Variants in TCF20 observed in about 807,000 individuals in gnomAD.
TCF20 encodes the protein SPRE-binding protein.
TCF20 carries 3 observed loss-of-function variants against 148.6 expected under a neutral mutation model. The ratio of observed to expected loss-of-function variants is 0.02; its 90% confidence interval spans 0.01 to 0.05. The LOEUF (loss-of-function observed/expected upper bound fraction) is 0.05. Ranked by LOEUF, TCF20 falls within the 10% of genes least tolerant of loss-of-function variation. TCF20 has a pLI of 1.00. For missense variants in TCF20, 2,350 were observed against 2,429.3 expected, an observed-to-expected ratio of 0.97 and a Z score of 0.69; for synonymous variants, 1,049 against 909.5, an observed-to-expected ratio of 1.15 and a Z score of -2.76.
rs1202125189 is a variant in TCF20, at chr22:42,269,923, G to GC, written c.-37+415dup. ...TAGCCAAGAGGCGAGCGCGGCCGGT[G>GC]CCCCCGGGGCTGCCAGGGGCCCCGA... On this transcript the variant is annotated intron_variant, in intron 1 of 5. Transcript: ENST00000677622. 19 of 152,166 alleles carry GC rather than the reference G, an allele frequency of 1.2e-4. No homozygotes were observed. In the East Asian group the frequency reaches 3.7e-3, roughly 29 times the overall value. 9.4% of individuals were successfully genotyped at this position (152,166 alleles called of 1,614,324 possible). A position where few individuals can be genotyped will look rare whatever the true frequency, so the allele number is the denominator to read the frequency against.
Position 42,211,612 on chromosome 22 carries a change from G to C in TCF20, c.3694C>G (p.Pro1232Ala). 6.2e-7 allele frequency: 1 copy of C among 1,614,208 alleles called. No individual in the cohort carries two copies. The highest frequency in any genetic ancestry group is 1.1e-5 in the South Asian group (1 of 91,082). Residue 1232 changes from proline (P) to alanine (A), a missense_variant, in exon 2 of 6, where the codon CCT becomes GCT. Pro to Ala is a conservative substitution (Grantham distance 27). Around this residue, in one of 7 missense-constraint regions of TCF20, gnomAD observed 1,641 missense variants for 1,662.6 expected, o/e 0.99. Coordinates refer to ENST00000677622, the MANE Select transcript of TCF20 (RefSeq NM_001378418.1). ...GGAAGTCTCAGCATAACACTACCAG[G>C]TTTGGATGACTGTGTAGCCTCAGCT... Reference protein sequence around the residue: ...GLAEATQSSKPGSVMLRLPGQ... With the variant: ...GLAEATQSSKAGSVMLRLPGQ...
intron 1 of TCF20, among the ~76,000 whole-genome samples, chr22:42,216,079 CT>C (rs759118027): frequency 2.3e-3 from 117 of 50,550 alleles, no homozygotes; most frequent in South Asian, 3.2e-3. Flanking sequence ...AAACCAAATC[CT>C]TTTTTTTTTT....
At chr22:42,272,402 G>A (rs1029780232), upstream of TCF20, among the ~76,000 whole-genome samples, 1 of 152,214 alleles carries the variant, frequency 6.6e-6, no homozygotes, top group Admixed American at 6.5e-5. Context: ...AATTCATGAA[G>A]AAAGATGAAT....
rs764344648 is a variant in TCF20, at chr22:42,213,126, T to C, written c.2180A>G (p.Tyr727Cys). ...VPRNVSGFPQYPTGQEKGDFT... is the reference protein window; with the variant it reads ...VPRNVSGFPQCPTGQEKGDFT... ...ATCTCCCTTTTCTTGCCCTGTAGGA[T>C]ACTGAGGAAAGCCACTGACATTTCG... The change falls in exon 2 of 6, where the codon TAT becomes TGT. Residue 727 changes from tyrosine to cysteine, a missense_variant. This residue lies in a region of TCF20 where 1,641 missense variants were observed against 1,662.6 expected (regional missense o/e 0.99). Transcript: ENST00000677622. The C allele has an allele frequency of 3.7e-6, 6 of 1,614,076 alleles. No individual in the cohort carries two copies. Among genetic ancestry groups the C allele is most frequent in the Non-Finnish European group, 5.1e-6 (6 of 1,180,032 alleles).
intron 1 of TCF20, among the ~76,000 whole-genome samples, chr22:42,231,928 C>CAAAAAAAAAAA (rs55642530): frequency 1.6e-5 from 2 of 123,280 alleles, no homozygotes; most frequent in African/African-American, 6.3e-5. Context: ...GACTCCGTCT[C>CAAAAAAAAAAA]AAAAAAAAAA....
At position 42,299,203 on chromosome 22, in the gene TCF20, T is replaced by C. The variant is rs2147032452; in HGVS notation, c.-37+44276A>G. Among the ~76,000 whole-genome samples, 1 of 152,140 alleles carries C rather than the reference T, an allele frequency of 6.6e-6. No homozygotes were observed. Among genetic ancestry groups the C allele is most frequent in the East Asian group, 1.9e-4 (1 of 5,162 alleles). ...CGGGAGGATGGGGGCAAGGGGGCGG[T>C]AGGCAGACAGCAAGAGCAACCAGTG... is the stretch of plus-strand genomic sequence containing the variant. On this transcript the variant is annotated intron_variant, in intron 1 of 1. Transcript: ENST00000515426. This position sits in a 1 kb window ranked among gnomAD's most constrained non-coding sequence, Gnocchi z 4.1.
intron 1 of TCF20, among the ~76,000 whole-genome samples, chr22:42,329,143 C>T (rs879614756): frequency 6.6e-6 from 1 of 152,238 alleles, no homozygotes. Context: ...ATAAACCATT[C>T]TCTTCCAGGG....
chr22:42,247,285 T>C (rs1924997815), intron 1 of TCF20, among the ~76,000 whole-genome samples: 1 of 150,184 alleles, frequency 6.7e-6, no homozygotes. Flanking sequence ...ACTAAAAATA[T>C]AAGAATTTGC....
intron 2 of TCF20, among the ~76,000 whole-genome samples, chr22:42,192,632 T>C (rs1260243564): frequency 2.0e-5 from 3 of 152,096 alleles, no homozygotes; most frequent in Admixed American, 6.5e-5. Context: ...CTAATGCCAA[T>C]GAAACTACCA....
chr22:42,166,402 G>C, intron 5 of TCF20, among the ~76,000 whole-genome samples: 1 of 152,194 alleles, frequency 6.6e-6, no homozygotes. Flanking sequence ...GATGTCAGGA[G>C]TTCAAGGCCA....
chr22:42,163,430 AAG>A (rs1935584731), intron 5 of TCF20, among the ~76,000 whole-genome samples: 1 of 152,196 alleles, frequency 6.6e-6, no homozygotes, highest in South Asian at 2.1e-4. Flanking sequence ...CTAACTTTTC[AAG>A]AGTTACTTTA....
chr22:42,168,531 G>C lies in TCF20; in HGVS notation c.*44+78C>G, dbSNP rs1166972905. ...GATGAAATGCTGGTGGCAGAGCATA[G>C]AGCGAGCAGGAGGGCAGAGGCAACG... On this transcript the variant is annotated intron_variant, in intron 5 of 5. Coordinates refer to ENST00000677622, the MANE Select transcript of TCF20 (RefSeq NM_001378418.1). The C allele has an allele frequency of 2.0e-6, 3 of 1,518,976 alleles. No homozygotes were observed. The African/African-American group carries it at 4.1e-5, about 21-fold the overall frequency. The allele number at this position is 1,518,976 out of a possible 1,614,324, so 94.1% of individuals were successfully genotyped here.
chr22:42,214,953 T>C lies in TCF20; in HGVS notation c.353A>G (p.Tyr118Cys). 1 of 1,614,218 alleles carries C rather than the reference T, an allele frequency of 6.2e-7. No homozygotes were observed. Among genetic ancestry groups the C allele is most frequent in the Non-Finnish European group, 8.5e-7 (1 of 1,180,036 alleles). ...AAAGCTGCTCCCCTGGGGGGGTCCA[T>C]AGCTCTGCACAGGCCCAGAAGGCCT... Reference protein sequence around the residue: ...QRRPSGPVQSYGPPQGSSFGN... With the variant: ...QRRPSGPVQSCGPPQGSSFGN... Residue 118 changes from tyrosine (Y) to cysteine (C), a missense_variant, in exon 2 of 6, where the codon TAT becomes TGT. Around this residue, in one of 7 missense-constraint regions of TCF20, gnomAD observed 1,641 missense variants for 1,662.6 expected, o/e 0.99. Coordinates refer to ENST00000677622, the MANE Select transcript of TCF20 (RefSeq NM_001378418.1).
intron 2 of TCF20, among the ~76,000 whole-genome samples, chr22:42,201,176 G>A (rs958290465): frequency 6.6e-6 from 1 of 152,200 alleles, no homozygotes; most frequent in Admixed American, 6.5e-5. Context: ...TAAGTTTCCT[G>A]AGGCCTCCCC....
chr22:42,190,009 CTT>C (rs937169468), intron 2 of TCF20, among the ~76,000 whole-genome samples: 1 of 152,140 alleles, frequency 6.6e-6, no homozygotes, highest in African/African-American at 2.4e-5. Context: ...CTAAAAGAAA[CTT>C]ATACTTGGCC....
intron 1 of TCF20, among the ~76,000 whole-genome samples, chr22:42,276,146 A>G (rs1926774244): frequency 6.6e-6 from 1 of 152,212 alleles, no homozygotes; most frequent in Non-Finnish European, 1.5e-5. Flanking sequence ...ATGCTGGGAA[A>G]AGACTTTGTT....
intron 1 of TCF20, among the ~76,000 whole-genome samples, chr22:42,315,679 AGACATCTACCATCCTGG>A (rs1927617077): frequency 6.6e-6 from 1 of 152,176 alleles, no homozygotes; most frequent in Non-Finnish European, 1.5e-5. Context: ...GGGGCACATA[AGACATCTACCATCCTGG>A]GACAGGGCTG....
At chr22:42,283,429 G>A (rs1232826207) in intron 1 of TCF20, among the ~76,000 whole-genome samples, 1 of 152,108 alleles carries the variant, frequency 6.6e-6, no homozygotes, top group Non-Finnish European at 1.5e-5. Flanking sequence ...GGGGACGGGG[G>A]CGGGCACTCG....
In TCF20 at chr22:42,179,613, A is replaced by C. The variant is rs1403119768; in HGVS notation, c.5745T>G (p.Asp1915Glu). Reference protein sequence around the residue: ...SFRYHYPCAIDADCLLHEENF... With the variant: ...SFRYHYPCAIEADCLLHEENF... ...GGGTCTGTGGTCTCCTCTTACCTGC[A>C]TCAATGGCACACGGGTAATGGTATC... The change falls in exon 3 of 6, where the codon GAT (aspartate) becomes GAG (glutamate). Residue 1915 changes from aspartate to glutamate, a missense_variant. Asp to Glu is a conservative substitution (Grantham distance 45). Around this residue, in one of 7 missense-constraint regions of TCF20, gnomAD observed 67 missense variants for 60.8 expected, o/e 1.10. Coordinates refer to ENST00000677622, the MANE Select transcript of TCF20 (RefSeq NM_001378418.1). 2 of 1,613,612 alleles carry C rather than the reference A, an allele frequency of 1.2e-6. No homozygotes were observed. The highest frequency in any genetic ancestry group is 2.2e-5 in the East Asian group (1 of 44,890).
Sources: allele counts gnomAD v4.1 joint callset (sites outside exome capture counted in the v4.1 genomes callset), GRCh38; gene constraint gnomAD v4.1.1; regional missense constraint gnomAD v4.1.1; non-coding constraint Gnocchi (gnomAD v3.1); transcripts MANE v1.5; gene names NCBI Gene and HGNC (gene_info 2026-07-23, HGNC 2026-07-21).